Variants in TMC1 observed in about 807,000 individuals in gnomAD.
TMC1 encodes transmembrane channel like 1.
In TMC1, 84 loss-of-function variants were observed where a neutral mutation model predicts 105.8. That is an observed-to-expected ratio of 0.79 (90% confidence interval 0.67 to 0.95). The LOEUF is 0.95. TMC1 is among the 40% of genes least tolerant of loss of function. The probability of loss-of-function intolerance (pLI) is 0.00; values close to 1 mark genes in which losing one functional copy is unlikely to be tolerated. For synonymous variants in TMC1, 315 were observed against 311.5 expected (o/e 1.01, Z -0.12); for missense variants, 817 against 914.1 (o/e 0.89, Z 1.37).
chr9:72,530,104 G>A (rs1823474014), intron 1 of TMC1, among the ~76,000 whole-genome samples: 1 of 152,168 alleles, frequency 6.6e-6, no homozygotes, highest in African/African-American at 2.4e-5. Context: ...GAGACAGCCT[G>A]ATTGAGTTCC....
chr9:72,563,817 T>G (rs891296237), intron 1 of TMC1, among the ~76,000 whole-genome samples: 18 of 146,824 alleles, frequency 1.2e-4, no homozygotes, highest in Non-Finnish European at 2.2e-4. Flanking sequence ...GGAGAATCGC[T>G]TGAACCTCGA....
intron 3 of TMC1, among the ~76,000 whole-genome samples, chr9:72,618,165 A>G (rs1050804399): frequency 6.7e-6 from 1 of 149,044 alleles, no homozygotes; most frequent in Non-Finnish European, 1.5e-5. Flanking sequence ...AGTTGCTGGG[A>G]TTACAGGTGC....
rs1346267404 is a variant in TMC1, at chr9:72,788,383, C to CT, written c.932dup (p.Asn312GlnfsTer18). 1.9e-6 allele frequency: 3 copies of CT among 1,613,900 alleles called. No homozygotes were observed. Among genetic ancestry groups the CT allele is most frequent in the Non-Finnish European group, 2.5e-6 (3 of 1,179,958 alleles). ...GATGATGGAGGTGGAGATGACAACACTTTCAATTTCAGCTGGAAGGTCTTT... is the reference window on the plus strand; with the variant it reads ...GATGATGGAGGTGGAGATGACAACACTTTTCAATTTCAGCTGGAAGGTCTTT... On this transcript the variant is annotated frameshift_variant, in exon 14 of 24. Transcript: ENST00000297784. LOFTEE classifies it high-confidence loss of function.
At chr9:72,593,559 A>AT (rs113951172) in intron 2 of TMC1, among the ~76,000 whole-genome samples, 45,466 of 150,880 alleles carry the variant, frequency 0.3, 7,419 homozygotes, top group African/African-American at 0.41. Flanking sequence ...CACCTGGCTA[A>AT]TTTCGTATTT....
At chr9:72,739,427 C>T (rs969413747) in intron 8 of TMC1, among the ~76,000 whole-genome samples, 1 of 152,194 alleles carries the variant, frequency 6.6e-6, no homozygotes. Context: ...GTGTATGTAG[C>T]ATGCTTGCAT....
At chr9:72,777,138 C>G (rs893364644) in intron 13 of TMC1, among the ~76,000 whole-genome samples, 1 of 152,162 alleles carries the variant, frequency 6.6e-6, no homozygotes, top group Admixed American at 6.5e-5. Flanking sequence ...CTTCCTTCTA[C>G]TTAGATGTCA....
At chr9:72,771,623 C>T (rs192456468) in intron 12 of TMC1, among the ~76,000 whole-genome samples, 21 of 152,244 alleles carry the variant, frequency 1.4e-4, no homozygotes, top group Admixed American at 6.5e-4. Flanking sequence ...AAGAGGGGAG[C>T]TGGGGAGTGG....
chr9:72,763,085 CTT>C lies in TMC1; in HGVS notation c.741+8222_741+8223del, dbSNP rs148498655. 3.5e-3 allele frequency among the ~76,000 whole-genome samples: 380 copies of C among 109,466 alleles called. 1 individual carries two copies. The highest frequency in any genetic ancestry group is 9.0e-3 in the African/African-American group (255 of 28,486). The allele number at this position is 109,466 out of a possible 152,430, so 71.8% of individuals were successfully genotyped here. A position where few individuals can be genotyped will look rare whatever the true frequency, so the allele number is the denominator to read the frequency against. Reference sequence around the variant, plus strand: ...TTAAGGTCTGAAGTCCTAGCGATGCCTTTTTTTTTTTTTTTTTTTTTTGCTTT... The same window carrying C: ...TTAAGGTCTGAAGTCCTAGCGATGCCTTTTTTTTTTTTTTTTTTTTGCTTT... On this transcript the variant is annotated intron_variant, in intron 12 of 23. Coordinates refer to ENST00000297784, the MANE Select transcript of TMC1 (RefSeq NM_138691.3).
chr9:72,820,237 A>G (rs952609600), intron 19 of TMC1, among the ~76,000 whole-genome samples: 36 of 152,348 alleles, frequency 2.4e-4, no homozygotes, highest in African/African-American at 8.4e-4. Context: ...TATCACCTAC[A>G]AAGAGAAAAT....
intron 1 of TMC1, among the ~76,000 whole-genome samples, chr9:72,558,915 T>A (rs927936442): frequency 1.7e-4 from 21 of 123,904 alleles, no homozygotes; most frequent in Non-Finnish European, 3.0e-4. Flanking sequence ...TTTTCAACCA[T>A]TTTTTTTTGT....
chr9:72,797,919 G>C (rs891273327), intron 17 of TMC1, among the ~76,000 whole-genome samples: 1 of 152,146 alleles, frequency 6.6e-6, no homozygotes, highest in Admixed American at 6.5e-5. Context: ...ACTATCATCA[G>C]AGTGAACAGA....
At chr9:72,548,362 G>A (rs1403448007) in intron 1 of TMC1, among the ~76,000 whole-genome samples, 2 of 152,026 alleles carry the variant, frequency 1.3e-5, no homozygotes, top group African/African-American at 4.8e-5. Context: ...CACGAGGCCA[G>A]GAGTTTCAAG....
chr9:72,664,358 A>G (rs1033335987), intron 5 of TMC1, among the ~76,000 whole-genome samples: 4 of 152,198 alleles, frequency 2.6e-5, no homozygotes, highest in African/African-American at 9.6e-5. Flanking sequence ...AGACAGGGAA[A>G]TACTGGGTAG....
chr9:72,552,711 T>C (rs1343193012), intron 1 of TMC1, among the ~76,000 whole-genome samples: 2 of 152,190 alleles, frequency 1.3e-5, no homozygotes, highest in African/African-American at 2.4e-5. Flanking sequence ...TACTTGCTAT[T>C]TGTGAAACCA....
At chr9:72,544,343 A>T (rs1380442064) in intron 1 of TMC1, among the ~76,000 whole-genome samples, 1 of 79,122 alleles carries the variant, frequency 1.3e-5, no homozygotes, top group Non-Finnish European at 2.4e-5. Flanking sequence ...AGGTATATCC[A>T]CTTCACTCAA....
intron 2 of TMC1, among the ~76,000 whole-genome samples, chr9:72,613,162 G>A (rs1218490294): frequency 1.4e-5 from 2 of 139,400 alleles, no homozygotes; most frequent in African/African-American, 2.7e-5. Context: ...ATGGAGTTTC[G>A]CTCTTGTTTC....
chr9:72,590,704 A>AGT (rs1824625105), intron 2 of TMC1, among the ~76,000 whole-genome samples: 1 of 152,208 alleles, frequency 6.6e-6, no homozygotes, highest in South Asian at 2.1e-4. Context: ...AAAAATGTAA[A>AGT]GTGGCACCTG....
intron 1 of TMC1, among the ~76,000 whole-genome samples, chr9:72,541,223 A>G (rs1404120413): frequency 6.6e-6 from 1 of 152,144 alleles, no homozygotes; most frequent in Non-Finnish European, 1.5e-5. Context: ...CTTTACACCA[A>G]CCAGTGTTAT....
chr9:72,821,814 G>A (rs1418167604), intron 20 of TMC1, among the ~76,000 whole-genome samples: 1 of 152,186 alleles, frequency 6.6e-6, no homozygotes, highest in Non-Finnish European at 1.5e-5. Context: ...TAAAAAGAGA[G>A]AGAGAGAGAC....
Sources: allele counts gnomAD v4.1 joint callset (sites outside exome capture counted in the v4.1 genomes callset), GRCh38; gene constraint gnomAD v4.1.1; transcripts MANE v1.5; gene names NCBI Gene and HGNC (gene_info 2026-07-23, HGNC 2026-07-21).